The following TBX5 variants were observed in gnomAD, a reference collection of about 807,000 sequenced individuals.
TBX5 encodes the protein T-box transcription factor TBX5.
In TBX5, 8 loss-of-function variants were observed where a neutral mutation model predicts 51.1. The observed-to-expected ratio is 0.16, with a 90% CI of 0.09 to 0.28. The LOEUF is 0.28. Among genes scored for constraint, TBX5 ranks in the 10% least tolerant of loss-of-function variants. TBX5 has a pLI of 1.00. For missense variants in TBX5, 589 were observed against 671.7 expected (o/e 0.88, Z 1.36); for synonymous variants, 302 against 266.4 (o/e 1.13, Z -1.30).
At chr12:114,377,536 A>G (rs1202215783) in intron 7 of TBX5, among the ~76,000 whole-genome samples, 1 of 150,410 alleles carries the variant, frequency 6.6e-6, no homozygotes, top group Non-Finnish European at 1.5e-5. Flanking sequence ...AACTATAGAC[A>G]CAGGCTATCA....
chr12:114,368,211 T>C (rs1869660339), intron 7 of TBX5, among the ~76,000 whole-genome samples: 1 of 152,232 alleles, frequency 6.6e-6, no homozygotes, highest in South Asian at 2.1e-4. Flanking sequence ...TTTATGTGCC[T>C]ATGGTCATAG....
chr12:114,362,870 G>T (rs942526181), intron 8 of TBX5, among the ~76,000 whole-genome samples: 3 of 152,084 alleles, frequency 2.0e-5, no homozygotes, highest in African/African-American at 4.8e-5. Context: ...TTACTATGTT[G>T]CCCAGGCTAG....
chr12:114,384,184 A>C lies in TBX5; in HGVS notation c.755+1292T>G, dbSNP rs1283924727. On this transcript the variant is annotated intron_variant, in intron 7 of 8. Transcript: ENST00000405440. ...AGTACCTTGTGAGTCCACAATCTTGAAGGAAACCAATTTATGAAAACAGGA... is the reference window on the plus strand; with the variant it reads ...AGTACCTTGTGAGTCCACAATCTTGCAGGAAACCAATTTATGAAAACAGGA... 3.3e-5 allele frequency among the ~76,000 whole-genome samples: 5 copies of C among 152,196 alleles called. No homozygotes were observed. In the East Asian group the frequency reaches 9.6e-4, roughly 29 times the overall value.
At chr12:114,394,662 C>A (rs1871323965) in intron 6 of TBX5, 79 bp downstream of exon 6, 8 of 1,597,480 alleles carry the variant, frequency 5.0e-6, no homozygotes, top group Non-Finnish European at 6.8e-6. Context: ...GAGCAAAGTT[C>A]CAGCAGGAAA....
At chr12:114,373,045 A>G (rs1028869706) in intron 7 of TBX5, among the ~76,000 whole-genome samples, 4 of 151,768 alleles carry the variant, frequency 2.6e-5, no homozygotes, top group Non-Finnish European at 5.9e-5. Flanking sequence ...TGCTCAATAA[A>G]CACTATTTTG....
intron 7 of TBX5, among the ~76,000 whole-genome samples, chr12:114,371,492 T>C (rs1236096881): frequency 1.3e-5 from 2 of 152,030 alleles, no homozygotes; most frequent in Non-Finnish European, 2.9e-5. Context: ...CTCCAGCTAA[T>C]GAACACCCGG....
intron 3 of TBX5, 111 bp from the exon 4 acceptor site, chr12:114,399,743 G>A: frequency 1.3e-6 from 2 of 1,544,282 alleles, no homozygotes; most frequent in South Asian, 1.1e-5. Context: ...ACGTGGAAGC[G>A]GAAACTAGCC....
chr12:114,407,843 G>A (rs777744983), upstream of TBX5: 2 of 985,378 alleles, frequency 2.0e-6, no homozygotes, highest in East Asian at 1.1e-4. Context: ...TCTTTGGAGC[G>A]CAAAAGCCAG....
intron 7 of TBX5, among the ~76,000 whole-genome samples, chr12:114,370,774 T>C (rs1869858390): frequency 6.6e-6 from 1 of 152,166 alleles, no homozygotes; most frequent in Non-Finnish European, 1.5e-5. Flanking sequence ...ATGTTTATTT[T>C]TTTCACATGA....
chr12:114,361,555 G>A (rs569014874), intron 8 of TBX5, among the ~76,000 whole-genome samples: 1 of 152,100 alleles, frequency 6.6e-6, no homozygotes, highest in African/African-American at 2.4e-5. Context: ...TCAGTCCATC[G>A]GGAGAGATAG....
chr12:114,399,514 A>G lies in TBX5; in HGVS notation c.361T>C (p.Trp121Arg), dbSNP rs1269970792. Residue 121 changes from tryptophan (W) to arginine (R), a missense_variant and splice_region_variant, in exon 4 of 9, where the codon TGG becomes CGG. Physicochemically the swap from Trp to Arg is moderately radical, Grantham distance 101. This residue lies in a region of TBX5 where 85 missense variants were observed against 95.6 expected (regional missense o/e 0.89). Transcript: ENST00000405440. ...TCCACCTGCCACCCCAGTGCCTACC[A>G]TTTATTATCTGCGAATTTGTATCTG... ...DHRYKFADNK[W>R]SVTGKAEPAM... 6.2e-7 allele frequency: 1 copy of G among 1,613,772 alleles called. No individual in the cohort carries two copies. The highest frequency in any genetic ancestry group is 1.1e-5 in the South Asian group (1 of 91,060).
At chr12:114,372,479 A>ATTT (rs35549331) in intron 7 of TBX5, among the ~76,000 whole-genome samples, 2 of 144,572 alleles carry the variant, frequency 1.4e-5, no homozygotes, top group Non-Finnish European at 1.5e-5. Flanking sequence ...CAATAGTTGT[A>ATTT]TTTTTTTTTT....
chr12:114,371,024 C>T lies in TBX5; in HGVS notation c.756-4633G>A, dbSNP rs533295785. 5.3e-5 allele frequency among the ~76,000 whole-genome samples: 8 copies of T among 152,198 alleles called. No individual in the cohort carries two copies. In the East Asian group the frequency reaches 1.5e-3, roughly 29 times the overall value. On this transcript the variant is annotated intron_variant, in intron 7 of 8. Transcript: ENST00000405440. ...CCCCATAAGCCCATTATATCAGCCACCTAACTAATGCTTAATAATAAGCAA... is the reference window on the plus strand; with the variant it reads ...CCCCATAAGCCCATTATATCAGCCATCTAACTAATGCTTAATAATAAGCAA...
upstream of TBX5, among the ~76,000 whole-genome samples, chr12:114,406,850 AT>A (rs76878077): frequency 9.2e-3 from 1,344 of 146,072 alleles, 11 homozygotes; most frequent in African/African-American, 0.027. Flanking sequence ...TCTGAGATGT[AT>A]TTTTTTTTTT....
chr12:114,365,786 C>T (rs1324358015), intron 8 of TBX5, among the ~76,000 whole-genome samples: 1 of 144,630 alleles, frequency 6.9e-6, no homozygotes, highest in Non-Finnish European at 1.5e-5. Flanking sequence ...GCCATGACTA[C>T]ACCACTGCAC....
intron 2 of TBX5, among the ~76,000 whole-genome samples, 199 bp downstream of exon 2, chr12:114,403,553 G>T (rs889596085): frequency 2.0e-5 from 3 of 152,222 alleles, no homozygotes; most frequent in African/African-American, 7.2e-5. Context: ...ATGGCAATAC[G>T]CTAGCATTTG....
At position 114,401,730 on chromosome 12, in the gene TBX5, C is replaced by T. The variant is rs1027198161; in HGVS notation, c.242+96G>A. The T allele has an allele frequency of 9.8e-5, 107 of 1,097,134 alleles. No homozygotes were observed. The African/African-American group carries it at 1.3e-3, about 13-fold the overall frequency. 68.0% of individuals were successfully genotyped at this position (1,097,134 alleles called of 1,614,324 possible). ...TTCTCTATATTCCCTCTCCTTTTGC[C>T]CCTTTCCTTCCTTCTTCTCTTCCAA... On this transcript the variant is annotated intron_variant, in intron 3 of 8. Coordinates refer to ENST00000405440, the MANE Select transcript of TBX5 (RefSeq NM_181486.4).
At chr12:114,367,283 A>G (rs1593848347) in intron 7 of TBX5, among the ~76,000 whole-genome samples, 1 of 152,200 alleles carries the variant, frequency 6.6e-6, no homozygotes, top group East Asian at 1.9e-4. Flanking sequence ...AAAAATCAGC[A>G]TGGGATCTAA....
chr12:114,377,270 G>A (rs1870245343), intron 7 of TBX5, among the ~76,000 whole-genome samples: 1 of 152,206 alleles, frequency 6.6e-6, no homozygotes, highest in Non-Finnish European at 1.5e-5. Context: ...TTTGAAAAAT[G>A]ATCATTTGAG....
Sources: gnomAD v4.1 joint callset for allele counts (sites outside exome capture counted in the v4.1 genomes callset) on GRCh38, gnomAD v4.1.1 for gene constraint, gnomAD v4.1.1 regional missense constraint, MANE v1.5 for transcripts, NCBI Gene and HGNC (gene_info 2026-07-23, HGNC 2026-07-21) for gene names.